Variants in NECTIN3 observed in about 807,000 individuals in gnomAD.
The protein encoded by NECTIN3 is nectin cell adhesion molecule 3.
A neutral mutation model predicts 49.4 loss-of-function variants in NECTIN3; 8 were observed. The observed-to-expected ratio is 0.16, with a 90% CI of 0.10 to 0.29. NECTIN3 has a LOEUF of 0.29. Among genes scored for constraint, NECTIN3 ranks in the 10% least tolerant of loss-of-function variants. NECTIN3 has a pLI of 1.00. For synonymous variants in NECTIN3, 277 were observed against 241.1 expected, an observed-to-expected ratio of 1.15 and a Z score of -1.38; for missense variants, 581 against 654.6, an observed-to-expected ratio of 0.89 and a Z score of 1.23.
intron 7 of NECTIN3, among the ~76,000 whole-genome samples, chr3:111,150,999 C>A (rs865861293): frequency 6.6e-6 from 1 of 151,642 alleles, no homozygotes; most frequent in South Asian, 2.1e-4. Context: ...ATAAAGGGGT[C>A]GTGGGGCCAA....
chr3:111,134,932 C>T lies in NECTIN3; in HGVS notation c.*717C>T. On this transcript the variant is annotated 3_prime_UTR_variant, in exon 6 of 6. Coordinates refer to ENST00000485303, the MANE Select transcript of NECTIN3 (RefSeq NM_015480.3). ...TCAATATTTTTGTCCAAAATACCTG[C>T]AAGAGTAATAAAATACATACCTTTC... The T allele has an allele frequency of 1.0e-6, 1 of 982,108 alleles. No homozygotes were observed. Among genetic ancestry groups the T allele is most frequent in the South Asian group, 4.7e-5 (1 of 21,224 alleles). 60.8% of individuals were successfully genotyped at this position (982,108 alleles called of 1,614,324 possible). A position where few individuals can be genotyped will look rare whatever the true frequency, so the allele number is the denominator to read the frequency against.
chr3:111,159,921 C>A (rs955589698), intron 7 of NECTIN3, among the ~76,000 whole-genome samples: 4 of 152,266 alleles, frequency 2.6e-5, no homozygotes, highest in Admixed American at 2.0e-4. Flanking sequence ...ATGCTTGCAA[C>A]AATCCTTCAG....
chr3:111,134,201 G>A lies in NECTIN3; in HGVS notation c.1636G>A (p.Glu546Lys). The change falls in exon 6 of 6, where the codon GAG becomes AAG. Residue 546 changes from glutamate to lysine, a missense_variant. By Grantham distance (56) the Glu-to-Lys change is moderately conservative. Around this residue, in one of 3 missense-constraint regions of NECTIN3, gnomAD observed 238 missense variants for 244.9 expected, o/e 0.97. Transcript: ENST00000485303. ...HVDGSVISRR[E>K]WYV Reference sequence around the variant, plus strand: ...AGATGGTTCCGTAATTTCCAGGAGGGAGTGGTATGTTTAGCAACCACTGAA... The same window carrying A: ...AGATGGTTCCGTAATTTCCAGGAGGAAGTGGTATGTTTAGCAACCACTGAA... 1.2e-6 allele frequency: 2 copies of A among 1,600,694 alleles called. No individual in the cohort carries two copies. Among genetic ancestry groups the A allele is most frequent in the Non-Finnish European group, 1.7e-6 (2 of 1,174,292 alleles).
At chr3:111,140,966 A>G (rs1434146291), downstream of NECTIN3, among the ~76,000 whole-genome samples, 1 of 151,916 alleles carries the variant, frequency 6.6e-6, no homozygotes, top group Non-Finnish European at 1.5e-5. Flanking sequence ...CATATATTTC[A>G]TGGATTCTTT....
At position 111,134,134 on chromosome 3, in the gene NECTIN3, T is replaced by G; in HGVS notation, c.1569T>G (p.Asp523Glu). Reference sequence around the variant, plus strand: ...AAATGGGAATGAAGTTTGTCAGTGATGAACATTATGATGAAAACGAAGATG... The same window carrying G: ...AAATGGGAATGAAGTTTGTCAGTGAGGAACATTATGATGAAAACGAAGATG... ...DLKMGMKFVS[D>E]EHYDENEDDL... The change falls in exon 6 of 6, where the codon GAT becomes GAG. Residue 523 changes from aspartate to glutamate, a missense_variant. This residue lies in a region of NECTIN3 where 238 missense variants were observed against 244.9 expected (regional missense o/e 0.97). Coordinates refer to ENST00000485303, the MANE Select transcript of NECTIN3 (RefSeq NM_015480.3). The G allele has an allele frequency of 6.2e-7, 1 of 1,613,050 alleles. No homozygotes were observed. The highest frequency in any genetic ancestry group is 8.5e-7 in the Non-Finnish European group (1 of 1,179,458).
intron 5 of NECTIN3, among the ~76,000 whole-genome samples, chr3:111,127,772 T>G (rs953685571): frequency 1.3e-5 from 2 of 151,978 alleles, no homozygotes; most frequent in African/African-American, 4.8e-5. Flanking sequence ...CTCTCTATGT[T>G]GTCCAGGCTG....
chr3:111,115,979 G>T (rs1249051633), intron 2 of NECTIN3, among the ~76,000 whole-genome samples: 1 of 152,158 alleles, frequency 6.6e-6, no homozygotes, highest in South Asian at 2.1e-4. Flanking sequence ...AATAATTTTG[G>T]TGTTAGGTTT....
chr3:111,152,871 A>G (rs1015976766), intron 7 of NECTIN3, among the ~76,000 whole-genome samples: 1 of 151,982 alleles, frequency 6.6e-6, no homozygotes, highest in Non-Finnish European at 1.5e-5. Flanking sequence ...CCATCATTAT[A>G]TCTTTTTAAA....
intron 3 of NECTIN3, among the ~76,000 whole-genome samples, chr3:111,121,897 T>G (rs531566121): frequency 7.2e-5 from 11 of 152,190 alleles, no homozygotes; most frequent in Non-Finnish European, 1.5e-4. Flanking sequence ...TCAAACTGTA[T>G]GTAGTAGAAT....
At chr3:111,095,844 C>T (rs972132050) in intron 1 of NECTIN3, among the ~76,000 whole-genome samples, 24 of 152,196 alleles carry the variant, frequency 1.6e-4, no homozygotes, top group African/African-American at 5.8e-4. Context: ...CCCCAGTCAG[C>T]TGGAACTGTG....
At chr3:111,191,817 A>G (rs187381713), upstream of NECTIN3, among the ~76,000 whole-genome samples, 311 of 152,236 alleles carry the variant, frequency 2.0e-3, 1 homozygote, top group Non-Finnish European at 3.6e-3. Context: ...CTTCTGCAGC[A>G]GATGTTGTCT....
upstream of NECTIN3, chr3:111,192,255 CAA>C: frequency 9.0e-7 from 1 of 1,117,232 alleles, no homozygotes; most frequent in Non-Finnish European, 1.3e-6. Context: ...ACATTTATAA[CAA>C]GACATGATTG....
intron 2 of NECTIN3, among the ~76,000 whole-genome samples, chr3:111,113,636 C>G (rs2033566036): frequency 6.6e-6 from 1 of 151,994 alleles, no homozygotes; most frequent in Non-Finnish European, 1.5e-5. Flanking sequence ...GAGAAATTTT[C>G]TGATTAGAAG....
intron 1 of NECTIN3, among the ~76,000 whole-genome samples, chr3:111,092,839 A>G (rs1375787313): frequency 6.6e-6 from 1 of 152,168 alleles, no homozygotes; most frequent in Non-Finnish European, 1.5e-5. Flanking sequence ...AATTTCAGCA[A>G]TTGTGCCAGG....
chr3:111,129,988 C>T (rs1412176408), intron 5 of NECTIN3, among the ~76,000 whole-genome samples: 1 of 145,156 alleles, frequency 6.9e-6, no homozygotes, highest in Non-Finnish European at 1.5e-5. Flanking sequence ...CAGAGTCTTG[C>T]TCTGTCGCCC....
intron 1 of NECTIN3, among the ~76,000 whole-genome samples, chr3:111,091,953 CTTG>C (rs1484119293): frequency 2.0e-5 from 3 of 152,158 alleles, no homozygotes; most frequent in African/African-American, 7.2e-5. Context: ...CTTACAAAAA[CTTG>C]TTATCTGCCT....
intron 1 of NECTIN3, among the ~76,000 whole-genome samples, chr3:111,101,567 T>G (rs1457502420): frequency 6.6e-6 from 1 of 152,138 alleles, no homozygotes; most frequent in Non-Finnish European, 1.5e-5. Flanking sequence ...GAAAGGAAGT[T>G]GACTTTTATT....
chr3:111,089,538 C>T (rs146595555), intron 1 of NECTIN3, among the ~76,000 whole-genome samples: 50 of 151,900 alleles, frequency 3.3e-4, no homozygotes, highest in Admixed American at 5.2e-4. Context: ...TTGAAATTTC[C>T]GTGTCGTCTT....
chr3:111,145,764 A>G (rs1007377539), intron 6 of NECTIN3, among the ~76,000 whole-genome samples: 1 of 152,186 alleles, frequency 6.6e-6, no homozygotes, highest in Non-Finnish European at 1.5e-5. Context: ...TACAAACGGC[A>G]TTATTTCTTA....
Sources: allele counts gnomAD v4.1 joint callset (sites outside exome capture counted in the v4.1 genomes callset), GRCh38; gene constraint gnomAD v4.1.1; regional missense constraint gnomAD v4.1.1; transcripts MANE v1.5; gene names NCBI Gene and HGNC (gene_info 2026-07-23, HGNC 2026-07-21).